The following CEP135 variants were observed in gnomAD, a reference collection of about 807,000 sequenced individuals.
CEP135 encodes centrosomal protein of 135 kDa.
A neutral mutation model predicts 157.3 loss-of-function variants in CEP135; 142 were observed. The ratio of observed to expected loss-of-function variants is 0.90; its 90% confidence interval spans 0.79 to 1.04. The LOEUF (loss-of-function observed/expected upper bound fraction) is 1.04. Ranked by LOEUF, CEP135 falls within the 50% of genes least tolerant of loss-of-function variation. The probability of loss-of-function intolerance (pLI) is 0.00; values close to 1 mark genes in which losing one functional copy is unlikely to be tolerated. For missense variants in CEP135, 1,317 were observed against 1,309.2 expected (o/e 1.01, Z -0.09); for synonymous variants, 396 against 439.8 (o/e 0.90, Z 1.25).
At chr4:56,022,741 C>G (rs1731010419) in intron 24 of CEP135, among the ~76,000 whole-genome samples, 2 of 152,022 alleles carry the variant, frequency 1.3e-5, no homozygotes. Context: ...AGGATTCTTT[C>G]CAATCTGACT....
intron 17 of CEP135, among the ~76,000 whole-genome samples, chr4:56,003,331 G>A (rs1360329302): frequency 3.3e-5 from 5 of 151,344 alleles, no homozygotes; most frequent in Admixed American, 6.6e-5. Flanking sequence ...TCAGCCTCCC[G>A]AGTAGCTGGG....
At chr4:56,015,836 A>G (rs1730754201) in intron 21 of CEP135, among the ~76,000 whole-genome samples, 1 of 152,198 alleles carries the variant, frequency 6.6e-6, no homozygotes, top group Admixed American at 6.5e-5. Flanking sequence ...AGTTGATGCT[A>G]GAATGTTAGG....
chr4:55,954,141 GTATT>G (rs1728439706), intron 3 of CEP135, 71 bp from the exon 4 acceptor site: 1 of 1,330,372 alleles, frequency 7.5e-7, no homozygotes, highest in Admixed American at 2.7e-5. Context: ...ATGACTTTTT[GTATT>G]TTGTGAAATG....
intron 14 of CEP135, among the ~76,000 whole-genome samples, chr4:55,987,756 G>C (rs1729635931): frequency 6.6e-6 from 1 of 152,072 alleles, no homozygotes; most frequent in Non-Finnish European, 1.5e-5. Context: ...AGAAGTCATT[G>C]GAAAGAAACA....
intron 24 of CEP135, 52 bp downstream of exon 24, chr4:56,020,832 T>C: frequency 1.5e-6 from 2 of 1,316,474 alleles, no homozygotes; most frequent in Non-Finnish European, 2.2e-6. Context: ...TTCTCTATTG[T>C]ACTTCAGAAA....
At chr4:55,951,304 T>C (rs1006047661) in intron 1 of CEP135, among the ~76,000 whole-genome samples, 11 of 152,230 alleles carry the variant, frequency 7.2e-5, no homozygotes, top group Non-Finnish European at 1.5e-4. Context: ...TGTTTAACTT[T>C]ATAAAAAAAC....
At chr4:55,951,818 G>GCCTA (rs1167744693) in intron 1 of CEP135, among the ~76,000 whole-genome samples, 9 of 152,262 alleles carry the variant, frequency 5.9e-5, no homozygotes, top group African/African-American at 2.2e-4. Flanking sequence ...AGAAGTCTCT[G>GCCTA]CCTACTTCAG....
At chr4:56,020,011 G>A (rs1158128063) in intron 23 of CEP135, among the ~76,000 whole-genome samples, 3 of 152,188 alleles carry the variant, frequency 2.0e-5, no homozygotes, top group Non-Finnish European at 4.4e-5. Flanking sequence ...GAAACATCGT[G>A]TTGGGAGGTG....
intron 9 of CEP135, 128 bp from the exon 10 acceptor site, chr4:55,971,138 CTAAT>C (rs1729013120): frequency 6.0e-6 from 3 of 495,906 alleles, no homozygotes; most frequent in Admixed American, 8.6e-5. Context: ...TTATATTTGA[CTAAT>C]TAAGTATATG....
Position 55,959,682 on chromosome 4 carries a change from G to T in CEP135, c.615G>T (p.Arg205Ser). The change falls in exon 6 of 26, where the codon AGG (arginine) becomes AGT (serine). Residue 205 changes from arginine (R) to serine (S), a missense_variant and splice_region_variant. By Grantham distance (110) the Arg-to-Ser change is moderately radical. Coordinates refer to ENST00000257287, the MANE Select transcript of CEP135 (RefSeq NM_025009.5). ...GGCATTAATTTAAAGTGCTTTTCAGGATTCAAGAACTTCAACAGGAAGTCC... is the reference window on the plus strand; with the variant it reads ...GGCATTAATTTAAAGTGCTTTTCAGTATTCAAGAACTTCAACAGGAAGTCC... ...IADLLQVADN[R>S]IQELQQEVHQ... is the part of the protein sequence containing the mutation. 6.2e-7 allele frequency: 1 copy of T among 1,613,446 alleles called. No homozygotes were observed.
chr4:56,016,780 A>T, intron 21 of CEP135, among the ~76,000 whole-genome samples: 1 of 151,816 alleles, frequency 6.6e-6, no homozygotes, highest in East Asian at 1.9e-4. Context: ...GGCTCAGGTG[A>T]TCTCCCGCCT....
chr4:55,999,547 A>G lies in CEP135; in HGVS notation c.2182A>G (p.Thr728Ala). Residue 728 changes from threonine to alanine, a missense_variant, in exon 17 of 26, where the codon ACC (threonine) becomes GCC (alanine). Thr to Ala is a moderately conservative substitution (Grantham distance 58). Transcript: ENST00000257287. ...QDEEAHVMKK[T>A]IGVIDKEKDF... ...TGAGGAGGCTCATGTAATGAAAAAG[A>G]CCATTGGTGTTATTGATAAAGAAAA... The G allele has an allele frequency of 2.5e-6, 4 of 1,611,542 alleles. No individual in the cohort carries two copies. Among genetic ancestry groups the G allele is most frequent in the Non-Finnish European group, 3.4e-6 (4 of 1,179,514 alleles).
At chr4:55,977,736 T>C (rs1729268050) in intron 11 of CEP135, among the ~76,000 whole-genome samples, 1 of 152,230 alleles carries the variant, frequency 6.6e-6, no homozygotes, top group South Asian at 2.1e-4. Context: ...TAGTTATTAT[T>C]AACTGGTAAC....
rs576202639 is a variant in CEP135, at chr4:55,958,256, G to A, written c.614+892G>A. 1.3e-4 allele frequency among the ~76,000 whole-genome samples: 20 copies of A among 152,238 alleles called. No individual in the cohort carries two copies. In the East Asian group the frequency reaches 3.3e-3, roughly 25 times the overall value. On this transcript the variant is annotated intron_variant, in intron 5 of 25. Transcript: ENST00000257287. ...TCAAGACCAGCCTGGTCAATATAGTGAGACCTTTTCTCTACAAAAAATTTA... is the reference window on the plus strand; with the variant it reads ...TCAAGACCAGCCTGGTCAATATAGTAAGACCTTTTCTCTACAAAAAATTTA...
chr4:55,972,487 A>T (rs78176835), intron 10 of CEP135, among the ~76,000 whole-genome samples: 45 of 152,194 alleles, frequency 3.0e-4, no homozygotes, highest in Non-Finnish European at 5.7e-4. Flanking sequence ...GAAACTTGGT[A>T]CCATCAAACT....
chr4:55,965,072 A>G (rs1323220933), intron 7 of CEP135: 1 of 152,290 alleles, frequency 6.6e-6, no homozygotes, highest in African/African-American at 2.4e-5. Context: ...CCATAGAAAT[A>G]TGATATGAGC....
intron 4 of CEP135, among the ~76,000 whole-genome samples, chr4:55,956,579 T>C (rs1236831063): frequency 6.6e-6 from 1 of 152,220 alleles, no homozygotes; most frequent in East Asian, 1.9e-4. Flanking sequence ...TGATAATTTC[T>C]TGAGCTCATA....
intron 21 of CEP135, among the ~76,000 whole-genome samples, chr4:56,013,984 G>T (rs1198356256): frequency 6.6e-6 from 1 of 152,182 alleles, no homozygotes; most frequent in South Asian, 2.1e-4. Flanking sequence ...TGGAGGCAAA[G>T]ATTAGAGTGA....
intron 15 of CEP135, among the ~76,000 whole-genome samples, chr4:55,992,499 G>A (rs1729829744): frequency 1.3e-5 from 2 of 152,130 alleles, no homozygotes; most frequent in Non-Finnish European, 2.9e-5. Context: ...TAAAGTCAAA[G>A]AATTTACCTC....
Sources: gnomAD v4.1 joint callset for allele counts (sites outside exome capture counted in the v4.1 genomes callset) on GRCh38, gnomAD v4.1.1 for gene constraint, MANE v1.5 for transcripts, NCBI Gene and HGNC (gene_info 2026-07-23, HGNC 2026-07-21) for gene names.